The following TSC22D2 variants were observed in gnomAD, a reference collection of about 807,000 sequenced individuals.
The protein encoded by TSC22D2 is TSC22 domain family member 2, also known as TSC22 domain family protein 2.
A neutral mutation model predicts 50.1 loss-of-function variants in TSC22D2; 5 were observed. The ratio of observed to expected loss-of-function variants is 0.10; its 90% CI spans 0.05 to 0.21. TSC22D2 has a LOEUF of 0.21. TSC22D2 is among the 10% of genes least tolerant of loss of function. The pLI, the probability that TSC22D2 is intolerant of heterozygous loss-of-function variation, is 1.00. For missense variants in TSC22D2, 1,003 were observed against 1,015.5 expected (o/e 0.99, Z 0.17); for synonymous variants, 501 against 450.1 (o/e 1.11, Z -1.43).
chr3:150,456,887 C>A (rs2108107057), intron 1 of TSC22D2, 189 bp from the exon 2 acceptor site: 1 of 573,898 alleles, frequency 1.7e-6, no homozygotes, highest in East Asian at 3.1e-5. Flanking sequence ...CTGTAGAAAT[C>A]ATCTATTTAC....
chr3:150,437,262 C>T (rs1201348612), intron 1 of TSC22D2, among the ~76,000 whole-genome samples: 1 of 152,094 alleles, frequency 6.6e-6, no homozygotes, highest in East Asian at 1.9e-4. Flanking sequence ...ATTATTAAAT[C>T]TTCCTACCTC....
rs1719550204 is a variant in TSC22D2 at position 150,411,177 on chromosome 3, T to G, written c.1827T>G (p.Ile609Met). Residue 609 changes from isoleucine to methionine, a missense_variant, in exon 1 of 3, where the codon ATT becomes ATG. Coordinates refer to ENST00000688009, the MANE Select transcript of TSC22D2 (RefSeq NM_001303264.2). ...EPLPQPPLSL[I>M]AENKPVVKPP... ...TACCTCAACCACCACTTTCTCTCAT[T>G]GCTGAAAATAAGCCTGTTGTGAAGC... The G allele has an allele frequency of 6.2e-7, 1 of 1,614,054 alleles. No homozygotes were observed. The highest frequency in any genetic ancestry group is 1.7e-5 in the Admixed American group (1 of 60,000).
At chr3:150,423,380 A>G in intron 1 of TSC22D2, 1 of 235,840 alleles carries the variant, frequency 4.2e-6, no homozygotes, top group East Asian at 8.3e-5. Context: ...AATTTTTCTT[A>G]TGAAATAGTC....
At chr3:150,422,513 C>T (rs780959939) in intron 1 of TSC22D2, among the ~76,000 whole-genome samples, 1 of 151,654 alleles carries the variant, frequency 6.6e-6, no homozygotes, top group Non-Finnish European at 1.5e-5. Context: ...GGAAAAAACA[C>T]ATATAAATAA....
intron 1 of TSC22D2, among the ~76,000 whole-genome samples, chr3:150,447,955 G>A (rs546618461): frequency 2.5e-4 from 38 of 152,238 alleles, no homozygotes; most frequent in South Asian, 2.1e-4. Context: ...CCTCAATAAT[G>A]TGCTGTCATC....
intron 1 of TSC22D2, among the ~76,000 whole-genome samples, chr3:150,413,327 A>G (rs1015649611): frequency 1.3e-5 from 2 of 152,148 alleles, no homozygotes; most frequent in African/African-American, 4.8e-5. Flanking sequence ...GTTTTGATGT[A>G]TGTACAGTCC....
In TSC22D2 at chr3:150,423,209, T is replaced by A. The variant is rs1720072507; in HGVS notation, c.1958+11901T>A. Reference sequence around the variant, plus strand: ...TACTGGTTTCTCATTAAAACTGATCTTTGTTATTTTAGGGGGGAAATCACA... The same window carrying A: ...TACTGGTTTCTCATTAAAACTGATCATTGTTATTTTAGGGGGGAAATCACA... On this transcript the variant is annotated intron_variant, in intron 1 of 2. Transcript: ENST00000688009. 5.3e-6 allele frequency: 5 copies of A among 947,794 alleles called. No homozygotes were observed. In the East Asian group the frequency reaches 1.4e-4, roughly 26 times the overall value. The allele number at this position is 947,794 out of a possible 1,614,324, so 58.7% of individuals were successfully genotyped here. A position where few individuals can be genotyped will look rare whatever the true frequency, so the allele number is the denominator to read the frequency against.
intron 1 of TSC22D2, among the ~76,000 whole-genome samples, chr3:150,444,280 A>G (rs950763520): frequency 6.6e-6 from 1 of 152,222 alleles, no homozygotes; most frequent in African/African-American, 2.4e-5. Context: ...GATGAGCTCA[A>G]TATAACATCT....
chr3:150,409,239 A>G lies in TSC22D2; in HGVS notation c.-112A>G, dbSNP rs1719397968. On this transcript the variant is annotated 5_prime_UTR_variant, in exon 1 of 3. Coordinates refer to ENST00000688009, the MANE Select transcript of TSC22D2 (RefSeq NM_001303264.2). This position sits in a 1 kb window ranked among gnomAD's most constrained non-coding sequence, Gnocchi z 7.4. ...GACTCTTAACAGCGGCGGGCCTCAGACCCCAGCGCAGACTCGGACTTTGTC... is the reference window on the plus strand; with the variant it reads ...GACTCTTAACAGCGGCGGGCCTCAGGCCCCAGCGCAGACTCGGACTTTGTC... 4 of 1,283,686 alleles carry G rather than the reference A, an allele frequency of 3.1e-6. No homozygotes were observed. The South Asian group carries it at 6.2e-5, about 20-fold the overall frequency. 79.5% of individuals were successfully genotyped at this position (1,283,686 alleles called of 1,614,324 possible). A position where few individuals can be genotyped will look rare whatever the true frequency, so the allele number is the denominator to read the frequency against.
At chr3:150,432,629 A>G (rs1720415944) in intron 1 of TSC22D2, among the ~76,000 whole-genome samples, 1 of 151,966 alleles carries the variant, frequency 6.6e-6, no homozygotes, top group South Asian at 2.1e-4. Flanking sequence ...CAGACAAGAA[A>G]GAAATTTAAG....
At chr3:150,458,196 C>G (rs1576561053) in intron 2 of TSC22D2, among the ~76,000 whole-genome samples, 180 bp from the exon 3 acceptor site, 1 of 151,848 alleles carries the variant, frequency 6.6e-6, no homozygotes, top group Non-Finnish European at 1.5e-5. Context: ...GCTTACTGCT[C>G]TGGTTGGGAA....
Position 150,413,887 on chromosome 3 carries a change from TAA to T in TSC22D2, c.1958+2587_1958+2588del, listed in dbSNP as rs5853477. On this transcript the variant is annotated intron_variant, in intron 1 of 2. Coordinates refer to ENST00000688009, the MANE Select transcript of TSC22D2 (RefSeq NM_001303264.2). ...TTGTAAATAAGATATATGCTTTTTT[TAA>T]AAAAAAATTAGGACTTTAGTAAACA... Among the ~76,000 whole-genome samples the T allele has an allele frequency of 3.3e-5, 5 of 151,558 alleles. No individual in the cohort carries two copies. In the East Asian group the frequency reaches 9.7e-4, roughly 29 times the overall value.
rs1208896507 is a variant in TSC22D2, at chr3:150,466,188, ACAT to A, written c.*7555_*7557del. ...CATATGATACTAGTGATGTTAAATC[ACAT>A]CACACACACACACACACACACACAC... On this transcript the variant is annotated 3_prime_UTR_variant, in exon 3 of 3. Transcript: ENST00000688009. The A allele has an allele frequency of 1.6e-5, 2 of 123,988 alleles. No individual in the cohort carries two copies. The highest frequency in any genetic ancestry group is 3.2e-5 in the African/African-American group (1 of 31,646). 7.7% of individuals were successfully genotyped at this position (123,988 alleles called of 1,614,324 possible).
intron 1 of TSC22D2, among the ~76,000 whole-genome samples, chr3:150,411,629 T>A (rs1198683188): frequency 1.3e-5 from 2 of 151,938 alleles, no homozygotes; most frequent in Non-Finnish European, 2.9e-5. Flanking sequence ...ATTGTCCTTT[T>A]CTTACATATC....
At chr3:150,411,332 A>G (rs891446605) in intron 1 of TSC22D2, 24 bp downstream of exon 1, 1 of 1,567,134 alleles carries the variant, frequency 6.4e-7, no homozygotes, top group Non-Finnish European at 8.7e-7. Flanking sequence ...TATTTTAAAT[A>G]TTTGATAGAA....
At chr3:150,411,597 T>A (rs1330937576) in intron 1 of TSC22D2, among the ~76,000 whole-genome samples, 1 of 152,178 alleles carries the variant, frequency 6.6e-6, no homozygotes, top group Non-Finnish European at 1.5e-5. Context: ...TGGTGGTAGC[T>A]AGTGTGTTAT....
At chr3:150,451,523 G>A (rs1721042287) in intron 1 of TSC22D2, among the ~76,000 whole-genome samples, 1 of 152,168 alleles carries the variant, frequency 6.6e-6, no homozygotes, top group African/African-American at 2.4e-5. Context: ...CTTAGTTAAA[G>A]CACTCTTAAT....
In TSC22D2 at chr3:150,463,081, A is replaced by G. The variant is rs1190177383; in HGVS notation, c.*4445A>G. On this transcript the variant is annotated 3_prime_UTR_variant, in exon 3 of 3. Coordinates refer to ENST00000688009, the MANE Select transcript of TSC22D2 (RefSeq NM_001303264.2). ...TTAAAGGGATTTCAAGAATTTAACA[A>G]AAGGGTTGGGGAATGGAACCTTTGC... 6.6e-6 allele frequency: 1 copy of G among 152,260 alleles called. No individual in the cohort carries two copies. Among genetic ancestry groups the G allele is most frequent in the Non-Finnish European group, 1.5e-5 (1 of 68,048 alleles). The allele number at this position is 152,260 out of a possible 1,614,324, so 9.4% of individuals were successfully genotyped here.
At position 150,465,746 on chromosome 3, in the gene TSC22D2, T is replaced by G. The variant is rs756576764; in HGVS notation, c.*7110T>G. ...ATAAGTTTTAAACTTCAAACCTTTCTGCATAGTATAATAAAAATCTCTCAC... is the reference window on the plus strand; with the variant it reads ...ATAAGTTTTAAACTTCAAACCTTTCGGCATAGTATAATAAAAATCTCTCAC... On this transcript the variant is annotated 3_prime_UTR_variant, in exon 3 of 3. Transcript: ENST00000688009. The G allele has an allele frequency of 2.6e-5, 4 of 152,196 alleles. No homozygotes were observed. Among genetic ancestry groups the G allele is most frequent in the African/African-American group, 4.8e-5 (2 of 41,466 alleles). The allele number at this position is 152,196 out of a possible 1,614,324, so 9.4% of individuals were successfully genotyped here. A position where few individuals can be genotyped will look rare whatever the true frequency, so the allele number is the denominator to read the frequency against.
Sources: gnomAD v4.1 joint callset for allele counts (sites outside exome capture counted in the v4.1 genomes callset) on GRCh38, gnomAD v4.1.1 for gene constraint, Gnocchi (gnomAD v3.1) non-coding constraint, MANE v1.5 for transcripts, NCBI Gene and HGNC (gene_info 2026-07-23, HGNC 2026-07-21) for gene names.